Variants in CACNG5 observed in about 807,000 individuals in gnomAD.
CACNG5 encodes the protein calcium voltage-gated channel auxiliary subunit gamma 5.
A neutral mutation model predicts 24.8 loss-of-function variants in CACNG5; 18 were observed. The ratio of observed to expected loss-of-function variants is 0.73; its 90% CI spans 0.50 to 1.08. CACNG5 has a LOEUF of 1.08. Ranked by LOEUF, CACNG5 falls within the 50% of genes least tolerant of loss-of-function variation. The pLI, the probability that CACNG5 is intolerant of heterozygous loss-of-function variation, is 0.00. For missense variants in CACNG5, 349 were observed against 367.9 expected (o/e 0.95, Z 0.42); for synonymous variants, 157 against 149.1 (o/e 1.05, Z -0.39).
intron 1 of CACNG5, among the ~76,000 whole-genome samples, chr17:66,849,569 T>TAGAG (rs1035303483): frequency 2.0e-5 from 3 of 152,276 alleles, no homozygotes; most frequent in Admixed American, 1.3e-4. Context: ...ACCCTACCTC[T>TAGAG]GCAGGCTGAA....
intron 1 of CACNG5, among the ~76,000 whole-genome samples, chr17:66,875,838 G>C (rs1977069706): frequency 6.6e-6 from 1 of 152,192 alleles, no homozygotes; most frequent in African/African-American, 2.4e-5. Context: ...TGCAGCCAAG[G>C]GTGGCTTGGG....
rs1910893421 is a variant in CACNG5 at position 66,894,004 on chromosome 17, G to A, written c.*8764G>A. 6.6e-6 allele frequency among the ~76,000 whole-genome samples: 1 copy of A among 152,176 alleles called. No homozygotes were observed. Among genetic ancestry groups the A allele is most frequent in the African/African-American group, 2.4e-5 (1 of 41,440 alleles). ...CATGGGAATCCAATGGGGAGGGGATGGCAGTGGCTGCCAGGCTAGAAATCC... is the reference window on the plus strand; with the variant it reads ...CATGGGAATCCAATGGGGAGGGGATAGCAGTGGCTGCCAGGCTAGAAATCC... On this transcript the variant is annotated 3_prime_UTR_variant, in exon 6 of 6. Transcript: ENST00000533854.
intron 1 of CACNG5, among the ~76,000 whole-genome samples, chr17:66,855,386 G>T (rs79321650): frequency 0.11 from 16,454 of 152,238 alleles, 1,029 homozygotes; most frequent in Middle Eastern, 0.17. Flanking sequence ...TCTCTGGGCC[G>T]CACCACCATG....
rs1216030029 is a variant in CACNG5, at chr17:66,894,652, G to A, written c.*9412G>A. Among the ~76,000 whole-genome samples, 2 of 151,866 alleles carry A rather than the reference G, an allele frequency of 1.3e-5. No individual in the cohort carries two copies. Among genetic ancestry groups the A allele is most frequent in the Non-Finnish European group, 2.9e-5 (2 of 67,998 alleles). ...CCTCCACCCCATGAGCAACCATTCA[G>A]ATGTGTTTAATATATATATTTTTGT... On this transcript the variant is annotated 3_prime_UTR_variant, in exon 6 of 6. Transcript: ENST00000533854.
At chr17:66,875,994 C>A (rs1170699710) in intron 1 of CACNG5, among the ~76,000 whole-genome samples, 2 of 152,178 alleles carry the variant, frequency 1.3e-5, no homozygotes, top group East Asian at 3.9e-4. Flanking sequence ...CATTACAATG[C>A]CATCAACTGT....
rs183806202 is a variant in CACNG5 at position 66,855,786 on chromosome 17, C to T, written c.-104+20536C>T. Among the ~76,000 whole-genome samples the T allele has an allele frequency of 7.2e-5, 11 of 152,182 alleles. No homozygotes were observed. In the East Asian group the frequency reaches 1.4e-3, roughly 19 times the overall value. The stretch of plus-strand genomic sequence containing the variant: ...TGCTGGGATTACAGGCGTGAGCCAC[C>T]GCACCCGGCCATGCATATGTATTTA... On this transcript the variant is annotated intron_variant, in intron 1 of 5. Transcript: ENST00000533854.
intron 2 of CACNG5, 144 bp from the exon 3 acceptor site, chr17:66,878,828 C>T (rs1977119732): frequency 4.7e-6 from 3 of 635,532 alleles, no homozygotes; most frequent in African/African-American, 1.8e-5. Flanking sequence ...AGGGACAGGA[C>T]CCCCATAGGG....
At chr17:66,879,099 C>G in intron 3 of CACNG5, 41 bp downstream of exon 3, 1 of 1,445,494 alleles carries the variant, frequency 6.9e-7, no homozygotes, top group Non-Finnish European at 9.7e-7. Flanking sequence ...ACTGGCTGGA[C>G]AGAGAGGAGC....
chr17:66,836,644 G>A (rs1047248302), intron 1 of CACNG5, among the ~76,000 whole-genome samples: 5 of 152,212 alleles, frequency 3.3e-5, no homozygotes, highest in African/African-American at 1.2e-4. Context: ...TCAGGGCCAG[G>A]TCCCCAGGGT....
At chr17:66,874,531 G>C (rs1242539109) in intron 1 of CACNG5, among the ~76,000 whole-genome samples, 1 of 152,166 alleles carries the variant, frequency 6.6e-6, no homozygotes, top group Non-Finnish European at 1.5e-5. Flanking sequence ...TATAACAACT[G>C]TCTCAAGGGA....
intron 1 of CACNG5, among the ~76,000 whole-genome samples, chr17:66,861,269 A>C (rs1976853824): frequency 6.6e-6 from 1 of 152,244 alleles, no homozygotes; most frequent in African/African-American, 2.4e-5. Context: ...GAACCAGAAT[A>C]ATTAATTAAA....
chr17:66,863,108 C>CT (rs1286741215), intron 1 of CACNG5, among the ~76,000 whole-genome samples: 6 of 151,850 alleles, frequency 4.0e-5, no homozygotes, highest in Admixed American at 3.9e-4. Flanking sequence ...TCTAGCCCTT[C>CT]TTTTTTTTCT....
At chr17:66,862,861 C>T (rs1212528304) in intron 1 of CACNG5, among the ~76,000 whole-genome samples, 6 of 143,416 alleles carry the variant, frequency 4.2e-5, no homozygotes, top group African/African-American at 1.1e-4. Context: ...GAGAGTGCTG[C>T]ATCTTACAAC....
In CACNG5 at chr17:66,880,705, GTGT is replaced by G. The variant is rs774213368; in HGVS notation, c.424+13_424+15del. ...TCTTCTTTATCCTCTCAGGTAAGTT[GTGT>G]TGTTTTCTTTTCTTGCACCCTGGAA... On this transcript the variant is annotated intron_variant, in intron 4 of 5. Transcript: ENST00000533854. 35 of 1,612,170 alleles carry G rather than the reference GTGT, an allele frequency of 2.2e-5. No individual in the cohort carries two copies. In the South Asian group the frequency reaches 2.2e-4, roughly 10 times the overall value.
chr17:66,892,642 T>C lies in CACNG5; in HGVS notation c.*7402T>C, dbSNP rs1200898618. On this transcript the variant is annotated 3_prime_UTR_variant, in exon 6 of 6. Transcript: ENST00000533854. ...GACTAACTTGGGCCAATTTTTACTTTAAATCCACCCACACTCATACACCTC... is the reference window on the plus strand; with the variant it reads ...GACTAACTTGGGCCAATTTTTACTTCAAATCCACCCACACTCATACACCTC... Among the ~76,000 whole-genome samples, 4 of 152,210 alleles carry C rather than the reference T, an allele frequency of 2.6e-5. No individual in the cohort carries two copies. Among genetic ancestry groups the C allele is most frequent in the Non-Finnish European group, 5.9e-5 (4 of 68,046 alleles).
At chr17:66,860,485 G>T (rs1234417360) in intron 1 of CACNG5, among the ~76,000 whole-genome samples, 1 of 151,568 alleles carries the variant, frequency 6.6e-6, no homozygotes, top group African/African-American at 2.4e-5. Flanking sequence ...CAGTGGGTCC[G>T]TCTATTTAAA....
intron 1 of CACNG5, among the ~76,000 whole-genome samples, chr17:66,864,599 C>T (rs1976905180): frequency 6.6e-6 from 1 of 152,214 alleles, no homozygotes; most frequent in Non-Finnish European, 1.5e-5. Flanking sequence ...TAAGCTAGTT[C>T]ATTATCACCA....
At chr17:66,861,677 A>G (rs1976861231) in intron 1 of CACNG5, among the ~76,000 whole-genome samples, 1 of 152,312 alleles carries the variant, frequency 6.6e-6, no homozygotes, top group East Asian at 1.9e-4. Flanking sequence ...GTTTCTGTCT[A>G]CACATATTAA....
At chr17:66,880,733 ATTTTTTGTTTTTTG>A (rs759064466) in intron 4 of CACNG5, 36 bp downstream of exon 4, 28 of 1,603,754 alleles carry the variant, frequency 1.7e-5, no homozygotes, top group Non-Finnish European at 2.2e-5. Context: ...GCACCCTGGA[ATTTTTTGTTTTTTG>A]TTTTTTGTTT....
Sources: gnomAD v4.1 joint callset for allele counts (sites outside exome capture counted in the v4.1 genomes callset) on GRCh38, gnomAD v4.1.1 for gene constraint, MANE v1.5 for transcripts, NCBI Gene and HGNC (gene_info 2026-07-23, HGNC 2026-07-21) for gene names.